Variants in C10orf143 observed in about 807,000 individuals in gnomAD.
C10orf143 encodes the protein chromosome 10 open reading frame 143.
At chr10:130,055,385 A>G (rs1034357944) in intron 3 of C10orf143, among the ~76,000 whole-genome samples, 5 of 152,208 alleles carry the variant, frequency 3.3e-5, no homozygotes, top group African/African-American at 1.2e-4. Context: ...CAAAATATAT[A>G]AGGAATTCAC....
At chr10:130,049,387 G>A (rs577395618) in intron 3 of C10orf143, among the ~76,000 whole-genome samples, 2 of 152,284 alleles carry the variant, frequency 1.3e-5, no homozygotes, top group South Asian at 4.1e-4. Context: ...CAGAGCCGGA[G>A]CTCCAAACGA....
chr10:130,106,147 G>A, intron 1 of C10orf143: 1 of 788,498 alleles, frequency 1.3e-6, no homozygotes, highest in East Asian at 3.1e-5. Context: ...GACTGGATTC[G>A]AATCCTCATG....
intron 3 of C10orf143, among the ~76,000 whole-genome samples, chr10:130,075,701 G>A (rs1861104547): frequency 6.6e-6 from 1 of 152,126 alleles, no homozygotes; most frequent in Non-Finnish European, 1.5e-5. Flanking sequence ...TGGATCATGG[G>A]GGCGGACTTC....
chr10:130,103,465 G>T (rs779267295), intron 1 of C10orf143, among the ~76,000 whole-genome samples: 7 of 152,006 alleles, frequency 4.6e-5, no homozygotes, highest in Non-Finnish European at 8.8e-5. Flanking sequence ...ACTCCAGCCT[G>T]GGTGACAGAC....
intron 1 of C10orf143, among the ~76,000 whole-genome samples, chr10:130,103,374 C>CA (rs1384066939): frequency 7.2e-5 from 11 of 152,158 alleles, no homozygotes; most frequent in Non-Finnish European, 1.3e-4. Flanking sequence ...CCTGTAGTCC[C>CA]AGCTACTTGG....
intron 3 of C10orf143, among the ~76,000 whole-genome samples, 161 bp downstream of exon 3, chr10:130,079,405 G>A (rs536419661): frequency 2.0e-5 from 3 of 152,142 alleles, no homozygotes; most frequent in East Asian, 1.9e-4. Flanking sequence ...TTTGTACACC[G>A]ATAGAATGCT....
chr10:130,048,911 C>T (rs1438001898), intron 3 of C10orf143, among the ~76,000 whole-genome samples: 1 of 152,128 alleles, frequency 6.6e-6, no homozygotes, highest in Non-Finnish European at 1.5e-5. Flanking sequence ...CGCTATATTG[C>T]CCAGGCTGGT....
chr10:130,038,708 T>TA, intron 3 of C10orf143, among the ~76,000 whole-genome samples: 1 of 152,282 alleles, frequency 6.6e-6, no homozygotes, highest in African/African-American at 2.4e-5. Flanking sequence ...TCCTTGGCCT[T>TA]AGCCTCCCTG....
intron 1 of C10orf143, among the ~76,000 whole-genome samples, chr10:130,090,719 T>C (rs773896055): frequency 7.9e-5 from 12 of 152,018 alleles, no homozygotes; most frequent in Non-Finnish European, 1.6e-4. Context: ...ATGCTTGAGC[T>C]TGGTGGGGGG....
chr10:130,052,865 T>C (rs543846068), intron 3 of C10orf143, among the ~76,000 whole-genome samples: 85 of 152,342 alleles, frequency 5.6e-4, no homozygotes, highest in Admixed American at 1.6e-3. Flanking sequence ...ATGCATGTTC[T>C]AAGAATGTTT....
At chr10:130,078,203 A>AT (rs937613542) in intron 3 of C10orf143, among the ~76,000 whole-genome samples, 5 of 151,050 alleles carry the variant, frequency 3.3e-5, no homozygotes, top group Middle Eastern at 3.4e-3. Flanking sequence ...CTTGAACTAA[A>AT]TTTTTTTTTT....
rs1414166131 is a variant in C10orf143 at position 130,065,480 on chromosome 10, TGGCGGCTGGAGCAG to T, written c.298-1111_298-1098del. On this transcript the variant is annotated intron_variant, in intron 3 of 3. Coordinates refer to ENST00000637128, the MANE Select transcript of C10orf143 (RefSeq NM_001355042.2). This position sits in a 1 kb window ranked among gnomAD's most constrained non-coding sequence, Gnocchi z 4.2. ...GACTGTTCCAGGATCGGAGAAGCTG[TGGCGGCTGGAGCAG>T]GGGCTTGTGGCGCACATGGCAGGGA... 6.6e-6 allele frequency: 1 copy of T among 152,602 alleles called. No homozygotes were observed. The highest frequency in any genetic ancestry group is 2.4e-5 in the African/African-American group (1 of 41,362). The allele number at this position is 152,602 out of a possible 1,614,324, so 9.5% of individuals were successfully genotyped here. A position where few individuals can be genotyped will look rare whatever the true frequency, so the allele number is the denominator to read the frequency against.
intron 1 of C10orf143, 139 bp downstream of exon 1, chr10:130,110,565 G>A (rs936662308): frequency 1.0e-5 from 4 of 396,930 alleles, no homozygotes; most frequent in African/African-American, 2.1e-5. Context: ...GCCCTCCCAG[G>A]GACGTACGCG....
At chr10:130,094,646 T>C (rs909048348) in intron 1 of C10orf143, among the ~76,000 whole-genome samples, 2 of 152,314 alleles carry the variant, frequency 1.3e-5, no homozygotes, top group South Asian at 4.1e-4. Flanking sequence ...TCTCAATAGA[T>C]GCAGAAAGGG....
intron 1 of C10orf143, among the ~76,000 whole-genome samples, chr10:130,090,960 C>A (rs1022457839): frequency 6.6e-6 from 1 of 152,186 alleles, no homozygotes; most frequent in Non-Finnish European, 1.5e-5. Context: ...TGGGGCAGAG[C>A]ATCTAGGAGA....
intron 3 of C10orf143, chr10:130,068,611 C>CAAAAAAAAAAA (rs71007586): frequency 2.8e-5 from 2 of 71,062 alleles, no homozygotes; most frequent in African/African-American, 5.8e-5. Context: ...AACTCCATCT[C>CAAAAAAAAAAA]AAAAAAAAAA....
chr10:130,050,675 G>A (rs1015760152), intron 3 of C10orf143, among the ~76,000 whole-genome samples: 1 of 152,138 alleles, frequency 6.6e-6, no homozygotes, highest in Non-Finnish European at 1.5e-5. Context: ...ATTACCATAG[G>A]GAGCATCTGA....
intron 3 of C10orf143, chr10:130,067,632 A>C (rs1215691580): frequency 6.6e-6 from 1 of 152,114 alleles, no homozygotes; most frequent in African/African-American, 2.4e-5. Context: ...ACCACAAAAC[A>C]CTGTCCCTTC....
At chr10:130,073,475 G>A (rs6482770) in intron 3 of C10orf143, among the ~76,000 whole-genome samples, 2 of 152,186 alleles carry the variant, frequency 1.3e-5, no homozygotes, top group South Asian at 4.2e-4. Flanking sequence ...CTCTGGACGT[G>A]AGCATTCCAG....
Sources: gnomAD v4.1 joint callset for allele counts (sites outside exome capture counted in the v4.1 genomes callset) on GRCh38, gnomAD v4.1.1 for gene constraint, Gnocchi (gnomAD v3.1) non-coding constraint, MANE v1.5 for transcripts, NCBI Gene and HGNC (gene_info 2026-07-23, HGNC 2026-07-21) for gene names.